The following PAFAH1B1 variants were observed in gnomAD, a reference collection of about 807,000 sequenced individuals.
The protein encoded by PAFAH1B1 is platelet activating factor acetylhydrolase 1b regulatory subunit 1.
PAFAH1B1 carries 2 observed loss-of-function variants against 57.5 expected under a neutral mutation model. That is an observed-to-expected ratio of 0.03 (90% confidence interval 0.01 to 0.11). PAFAH1B1 has a LOEUF of 0.11. PAFAH1B1 is among the 10% of genes least tolerant of loss of function. The pLI, the probability that PAFAH1B1 is intolerant of heterozygous loss-of-function variation, is 1.00. For synonymous variants in PAFAH1B1, 152 were observed against 169.6 expected (o/e 0.90, Z 0.81); for missense variants, 257 against 512.0 (o/e 0.50, Z 4.81).
chr17:2,676,682 C>T (rs956648970), intron 9 of PAFAH1B1, 76 bp downstream of exon 9: 2 of 860,766 alleles, frequency 2.3e-6, no homozygotes, highest in African/African-American at 1.7e-5. Context: ...TTTATGATAT[C>T]TTAAATAATC....
intron 2 of PAFAH1B1, among the ~76,000 whole-genome samples, chr17:2,663,106 T>C (rs1239414373): frequency 6.6e-6 from 1 of 150,880 alleles, no homozygotes; most frequent in Non-Finnish European, 1.5e-5. Flanking sequence ...AGAGTGAAAC[T>C]CTGTCTCTAA....
At chr17:2,667,695 C>A (rs953962312) in intron 5 of PAFAH1B1, among the ~76,000 whole-genome samples, 10 of 151,816 alleles carry the variant, frequency 6.6e-5, no homozygotes, top group Non-Finnish European at 8.8e-5. Context: ...CAAAAGAATT[C>A]AGTAGAGGAT....
chr17:2,617,921 C>A (rs2068368239), intron 1 of PAFAH1B1, among the ~76,000 whole-genome samples: 1 of 149,222 alleles, frequency 6.7e-6, no homozygotes, highest in Non-Finnish European at 1.5e-5. Context: ...GAGACTCAGT[C>A]CCGCATCAAA....
intron 1 of PAFAH1B1, among the ~76,000 whole-genome samples, chr17:2,595,495 C>T (rs368919215): frequency 6.8e-6 from 1 of 147,918 alleles, no homozygotes; most frequent in East Asian, 2.0e-4. Context: ...GGAAAATTTC[C>T]TGTTGACTGT....
intron 1 of PAFAH1B1, among the ~76,000 whole-genome samples, chr17:2,620,585 C>T (rs903316369): frequency 7.9e-5 from 12 of 152,182 alleles, no homozygotes; most frequent in Non-Finnish European, 1.8e-4. Context: ...GTAGCGTGGC[C>T]GGGCGCCGTT....
intron 6 of PAFAH1B1, among the ~76,000 whole-genome samples, chr17:2,671,813 G>C (rs1299481477): frequency 6.6e-6 from 1 of 151,508 alleles, no homozygotes. Context: ...ATATTGGCCA[G>C]GCTGGTCTTG....
At chr17:2,670,989 G>A (rs540017064) in intron 6 of PAFAH1B1, among the ~76,000 whole-genome samples, 22 of 152,292 alleles carry the variant, frequency 1.4e-4, no homozygotes, top group African/African-American at 4.8e-4. Context: ...CTGCCACATA[G>A]GAGATGCTCA....
chr17:2,614,859 A>C (rs1352770247), intron 1 of PAFAH1B1, among the ~76,000 whole-genome samples: 3 of 152,260 alleles, frequency 2.0e-5, no homozygotes, highest in Non-Finnish European at 4.4e-5. Context: ...AGGGGCAAAG[A>C]TTATAGTGCA....
At chr17:2,657,365 C>T (rs1246838101) in intron 2 of PAFAH1B1, among the ~76,000 whole-genome samples, 1 of 152,224 alleles carries the variant, frequency 6.6e-6, no homozygotes, top group African/African-American at 2.4e-5. Context: ...CTGCCTCAGC[C>T]TCCCAAGTAG....
At position 2,609,814 on chromosome 17, in the gene PAFAH1B1, C is replaced by T. The variant is rs146345617; in HGVS notation, c.-191+15808C>T. On this transcript the variant is annotated intron_variant, in intron 1 of 10. Coordinates refer to ENST00000397195, the MANE Select transcript of PAFAH1B1 (RefSeq NM_000430.4). ...CATGAGCCACCGCGCCCGGCTGAAA[C>T]GAAGAATATTTTAATATATATATAT... is the stretch of plus-strand genomic sequence containing the variant. Among the ~76,000 whole-genome samples the T allele has an allele frequency of 3.4e-4, 52 of 151,774 alleles. No individual in the cohort carries two copies. The East Asian group carries it at 9.6e-3, about 28-fold the overall frequency.
intron 2 of PAFAH1B1, among the ~76,000 whole-genome samples, chr17:2,647,963 C>T (rs146233699): frequency 3.2e-4 from 49 of 152,066 alleles, no homozygotes; most frequent in Admixed American, 1.4e-3. Context: ...GAGATCATGC[C>T]GCTGCACTCC....
rs770011553 is a variant in PAFAH1B1, at chr17:2,606,810, C to CTTTTTT, written c.-191+12826_-191+12831dup. ...ACATTTTGTCATATTTGCCTCAGAGCTTTTTTTTTTTTTTTTTTTTTTTTT... is the reference window on the plus strand; with the variant it reads ...ACATTTTGTCATATTTGCCTCAGAGCTTTTTTTTTTTTTTTTTTTTTTTTTTTTTTT... On this transcript the variant is annotated intron_variant, in intron 1 of 10. Coordinates refer to ENST00000397195, the MANE Select transcript of PAFAH1B1 (RefSeq NM_000430.4). Among the ~76,000 whole-genome samples, 4 of 101,708 alleles carry CTTTTTT rather than the reference C, an allele frequency of 3.9e-5. 1 individual carries two copies. The highest frequency in any genetic ancestry group is 6.0e-5 in the Non-Finnish European group (3 of 50,324). The allele number at this position is 101,708 out of a possible 152,430, so 66.7% of individuals were successfully genotyped here.
intron 3 of PAFAH1B1, among the ~76,000 whole-genome samples, 173 bp downstream of exon 3, chr17:2,665,629 T>G (rs2069096109): frequency 6.6e-6 from 1 of 151,774 alleles, no homozygotes; most frequent in Non-Finnish European, 1.5e-5. Flanking sequence ...TGAGATGGAG[T>G]CTCACTTTGT....
intron 1 of PAFAH1B1, among the ~76,000 whole-genome samples, chr17:2,599,333 C>T (rs2068114872): frequency 6.6e-6 from 1 of 152,158 alleles, no homozygotes; most frequent in African/African-American, 2.4e-5. Context: ...TGTAAAATCA[C>T]ACATTCCTTC....
intron 2 of PAFAH1B1, among the ~76,000 whole-genome samples, chr17:2,655,708 A>G (rs913755231): frequency 1.3e-5 from 2 of 152,130 alleles, no homozygotes; most frequent in African/African-American, 4.8e-5. Flanking sequence ...GTGTGACGAC[A>G]GGGTGTTCAC....
In PAFAH1B1 at chr17:2,674,303, A is replaced by C. The variant is rs1222853741; in HGVS notation, c.900+15A>C. The stretch of plus-strand genomic sequence containing the variant: ...CAGGATCTGAGGTACTGTATATACA[A>C]ATGTCTTCATGGTTTTATTGCTGAT... On this transcript the variant is annotated intron_variant, in intron 8 of 10. Transcript: ENST00000397195. 6.4e-7 allele frequency: 1 copy of C among 1,569,750 alleles called. No homozygotes were observed.
intron 1 of PAFAH1B1, chr17:2,613,383 A>G (rs937762826): frequency 4.2e-6 from 1 of 240,390 alleles, no homozygotes. Context: ...CCCCCTTCAT[A>G]GGGGGAGGTG....
upstream of PAFAH1B1, chr17:2,593,596 C>T (rs1320871050): frequency 3.9e-5 from 8 of 207,450 alleles, no homozygotes; most frequent in Admixed American, 5.8e-5. Context: ...TCTGGGGCGG[C>T]GGCGGCGGCG....
chr17:2,624,523 G>T (rs984786664), intron 1 of PAFAH1B1, among the ~76,000 whole-genome samples: 1 of 152,100 alleles, frequency 6.6e-6, no homozygotes, highest in Non-Finnish European at 1.5e-5. Flanking sequence ...TACATGTCAG[G>T]GGCAAGAGAA....
Sources: gnomAD v4.1 joint callset for allele counts (sites outside exome capture counted in the v4.1 genomes callset) on GRCh38, gnomAD v4.1.1 for gene constraint, MANE v1.5 for transcripts, NCBI Gene and HGNC (gene_info 2026-07-23, HGNC 2026-07-21) for gene names.